Variants in TANC2 observed in about 807,000 individuals in gnomAD.
The protein encoded by TANC2 is protein TANC2.
Under a neutral mutation model 210.5 loss-of-function variants are expected in TANC2, and 26 were observed. The ratio of observed to expected loss-of-function variants is 0.12; its 90% confidence interval spans 0.09 to 0.17. TANC2 has a LOEUF of 0.17. Ranked by LOEUF, TANC2 falls within the 10% of genes least tolerant of loss-of-function variation. The pLI is 1.00. For missense variants in TANC2, 2,129 were observed against 2,608.9 expected (o/e 0.82, Z 4.01); for synonymous variants, 931 against 967.1 (o/e 0.96, Z 0.69).
intron 1 of TANC2, among the ~76,000 whole-genome samples, chr17:62,989,126 C>T (rs752218592): frequency 1.3e-5 from 2 of 152,158 alleles, no homozygotes; most frequent in Non-Finnish European, 2.9e-5. Flanking sequence ...TACTTGAGCT[C>T]ACTTCTCTTT....
chr17:63,365,341 C>A (rs2047079360), intron 14 of TANC2, among the ~76,000 whole-genome samples: 1 of 152,132 alleles, frequency 6.6e-6, no homozygotes, highest in Admixed American at 6.5e-5. Context: ...CCAGTTGGTT[C>A]TACCACCCAA....
At chr17:63,117,508 A>C (rs549335753) in intron 4 of TANC2, among the ~76,000 whole-genome samples, 21 of 152,332 alleles carry the variant, frequency 1.4e-4, no homozygotes, top group African/African-American at 4.6e-4. Context: ...GAAGCAGGTG[A>C]TGTTGTTAGG....
chr17:63,388,693 A>G (rs1266586082), exon 16 of TANC2: 2 of 1,604,926 alleles, frequency 1.2e-6, no homozygotes, highest in East Asian at 2.2e-5. Context: ...TGGATCTCTT[A>G]TAGCACAGAA....
chr17:63,183,833 C>T (rs182115334), intron 5 of TANC2, among the ~76,000 whole-genome samples: 92 of 152,158 alleles, frequency 6.0e-4, no homozygotes, highest in Middle Eastern at 3.4e-3. Context: ...CTGGCTAACA[C>T]GGTGAAACCC....
chr17:63,027,543 C>G (rs940046001), intron 2 of TANC2, among the ~76,000 whole-genome samples: 17 of 151,848 alleles, frequency 1.1e-4, no homozygotes, highest in African/African-American at 3.9e-4. Flanking sequence ...AGAAAAAAAA[C>G]CTCTTGATAA....
At chr17:63,278,457 T>G (rs1369940501) in intron 9 of TANC2, among the ~76,000 whole-genome samples, 1 of 151,910 alleles carries the variant, frequency 6.6e-6, no homozygotes, top group East Asian at 1.9e-4. Flanking sequence ...TGGCCATTAT[T>G]TAAAAAAAAA....
chr17:63,015,947 T>G (rs549121210), intron 2 of TANC2, among the ~76,000 whole-genome samples: 1 of 152,230 alleles, frequency 6.6e-6, no homozygotes, highest in Non-Finnish European at 1.5e-5. Context: ...CATTGTGTCA[T>G]TGTTTTGGTA....
chr17:63,001,146 A>AT (rs974560540), intron 1 of TANC2, among the ~76,000 whole-genome samples: 12 of 152,090 alleles, frequency 7.9e-5, no homozygotes, highest in Non-Finnish European at 1.8e-4. Context: ...ATCTGCACTC[A>AT]TTTTTTTCCT....
intron 2 of TANC2, among the ~76,000 whole-genome samples, chr17:63,045,438 A>G (rs1208499922): frequency 6.6e-6 from 1 of 152,168 alleles, no homozygotes; most frequent in Non-Finnish European, 1.5e-5. Flanking sequence ...CAAATCTATC[A>G]TTCTTTTTTA....
chr17:63,380,184 T>A (rs1288899143), intron 15 of TANC2, among the ~76,000 whole-genome samples: 1 of 152,222 alleles, frequency 6.6e-6, no homozygotes, highest in Non-Finnish European at 1.5e-5. Context: ...GGGCAATTAC[T>A]CTTTCCATTT....
intron 1 of TANC2, among the ~76,000 whole-genome samples, chr17:62,999,545 TAAAAC>T (rs918611832): frequency 2.9e-5 from 3 of 103,702 alleles, no homozygotes; most frequent in Admixed American, 8.5e-5. Context: ...CCCAAATTCA[TAAAAC>T]AAATTACTTA....
chr17:63,088,082 A>G (rs959189502), intron 3 of TANC2: 1 of 152,192 alleles, frequency 6.6e-6, no homozygotes, highest in Non-Finnish European at 1.5e-5. Flanking sequence ...TGCGTACTCC[A>G]TCTTTCCTGG....
intron 1 of TANC2, among the ~76,000 whole-genome samples, chr17:63,008,872 T>G (rs2033742274): frequency 6.6e-6 from 1 of 151,506 alleles, no homozygotes; most frequent in Non-Finnish European, 1.5e-5. Context: ...GCGGTGTGTG[T>G]TTGTGCGTCA....
rs750386715 is a variant in TANC2, at chr17:63,319,098, A to G, written c.1575+8A>G. ...CGAAGACTAGCCTCGCAGGTACAAT[A>G]TGATTCCCACGTTGGGGATATGGTA... On this transcript the variant is annotated splice_region_variant and intron_variant, in intron 11 of 27. Coordinates refer to ENST00000689528, the Ensembl canonical transcript of TANC2. 9 of 1,609,520 alleles carry G rather than the reference A, an allele frequency of 5.6e-6. No homozygotes were observed. In the Admixed American group the frequency reaches 8.4e-5, roughly 15 times the overall value.
chr17:63,408,620 C>G (rs2048592408), intron 21 of TANC2, among the ~76,000 whole-genome samples: 1 of 152,172 alleles, frequency 6.6e-6, no homozygotes, highest in East Asian at 1.9e-4. Context: ...CAAACTATAC[C>G]ATTACATAAA....
chr17:63,390,582 C>G (rs2147161326), intron 17 of TANC2: 1 of 152,334 alleles, frequency 6.6e-6, no homozygotes, highest in East Asian at 1.9e-4. Context: ...AGTCTTCAGC[C>G]TCCCCAGTAG....
intron 5 of TANC2, among the ~76,000 whole-genome samples, chr17:63,191,752 C>T (rs1449043706): frequency 6.6e-6 from 1 of 152,112 alleles, no homozygotes; most frequent in African/African-American, 2.4e-5. Context: ...CATGAGCCAC[C>T]GCGCCTGGCC....
At chr17:62,970,855 G>C (rs1172966345) in intron 1 of TANC2, among the ~76,000 whole-genome samples, 1 of 152,206 alleles carries the variant, frequency 6.6e-6, no homozygotes, top group Non-Finnish European at 1.5e-5. Context: ...GCTAGAACAA[G>C]CTGTTGCAGA....
At chr17:63,241,172 G>T (rs1198567864) in intron 8 of TANC2, among the ~76,000 whole-genome samples, 2 of 152,156 alleles carry the variant, frequency 1.3e-5, no homozygotes, top group Non-Finnish European at 2.9e-5. Context: ...CTTATTTACA[G>T]AAAGTAAGCT....
Sources: allele counts gnomAD v4.1 joint callset (sites outside exome capture counted in the v4.1 genomes callset), GRCh38; gene constraint gnomAD v4.1.1; transcripts MANE v1.5; gene names NCBI Gene and HGNC (gene_info 2026-07-23, HGNC 2026-07-21).